ADAMTSL1: variants seen among roughly 807,000 people sequenced by gnomAD.
ADAMTSL1 encodes the protein ADAMTS-like protein 1.
A neutral mutation model predicts 201.8 loss-of-function variants in ADAMTSL1; 126 were observed. The ratio of observed to expected loss-of-function variants is 0.62; its 90% CI spans 0.54 to 0.72. The LOEUF is 0.72. Ranked by LOEUF, ADAMTSL1 falls within the 30% of genes least tolerant of loss-of-function variation. The pLI, the probability that ADAMTSL1 is intolerant of heterozygous loss-of-function variation, is 0.00. For synonymous variants in ADAMTSL1, 1,121 were observed against 903.4 expected, an observed-to-expected ratio of 1.24 and a Z score of -4.32; for missense variants, 2,679 against 2,277.8, an observed-to-expected ratio of 1.18 and a Z score of -3.59.
intron 1 of ADAMTSL1, among the ~76,000 whole-genome samples, chr9:17,937,221 G>A (rs190609333): frequency 6.6e-6 from 1 of 152,258 alleles, no homozygotes; most frequent in East Asian, 1.9e-4. Context: ...AATCGGAACA[G>A]CACATTGCGG....
At chr9:18,135,172 C>T (rs1486045408) in intron 1 of ADAMTSL1, among the ~76,000 whole-genome samples, 5 of 152,148 alleles carry the variant, frequency 3.3e-5, no homozygotes, top group Admixed American at 3.3e-4. Context: ...TGTATAACTC[C>T]ATATGTGGAA....
chr9:18,241,329 G>C (rs1427447506), intron 2 of ADAMTSL1, among the ~76,000 whole-genome samples: 3 of 151,986 alleles, frequency 2.0e-5, no homozygotes, highest in African/African-American at 7.2e-5. Context: ...CCCTTTCTTT[G>C]CTGTTGCCTC....
intron 6 of ADAMTSL1, 34 bp from the exon 7 acceptor site, chr9:18,639,220 T>A: frequency 1.2e-6 from 2 of 1,610,188 alleles, no homozygotes; most frequent in African/African-American, 2.7e-5. Context: ...CCTAGGAACA[T>A]CTTTCTCTCA....
At position 18,419,793 on chromosome 9, in the gene ADAMTSL1, G is replaced by A. The variant is rs192435899; in HGVS notation, c.208-85036G>A. Among the ~76,000 whole-genome samples, 319 of 148,434 alleles carry A rather than the reference G, an allele frequency of 2.1e-3. 3 individuals are homozygous for A. Among genetic ancestry groups the A allele is most frequent in the African/African-American group, 7.8e-3 (311 of 39,942 alleles). On this transcript the variant is annotated intron_variant, in intron 2 of 29. Coordinates refer to the ADAMTSL1 transcript ENST00000680146. ...TGTCGCTCAGGCTGGAGTGCAGTGC[G>A]ATCTTAGTTCACTGCAACCTCCGCC... is the stretch of plus-strand genomic sequence containing the variant.
intron 3 of ADAMTSL1, among the ~76,000 whole-genome samples, chr9:18,543,200 G>C (rs924603833): frequency 1.3e-5 from 2 of 152,202 alleles, no homozygotes; most frequent in African/African-American, 2.4e-5. Flanking sequence ...ATGAATGTAG[G>C]ATGGTGACTA....
chr9:18,081,270 C>T (rs1823489034), intron 1 of ADAMTSL1, among the ~76,000 whole-genome samples: 1 of 151,926 alleles, frequency 6.6e-6, no homozygotes, highest in African/African-American at 2.4e-5. Flanking sequence ...AGTGTGTATG[C>T]TATGTATCCC....
At chr9:18,643,824 C>CT (rs1382980687) in intron 7 of ADAMTSL1, among the ~76,000 whole-genome samples, 1 of 151,404 alleles carries the variant, frequency 6.6e-6, no homozygotes, top group African/African-American at 2.4e-5. Flanking sequence ...ATGCCTTTAT[C>CT]TTTTTTCTTT....
chr9:18,143,085 A>G (rs550686612), intron 1 of ADAMTSL1, among the ~76,000 whole-genome samples: 7 of 152,308 alleles, frequency 4.6e-5, no homozygotes, highest in Admixed American at 2.0e-4. Context: ...GGCAGCATTG[A>G]GCCTGGACAA....
At position 18,771,705 on chromosome 9, in the gene ADAMTSL1, C is replaced by CTTTTT. The variant is rs374268861; in HGVS notation, c.2397+948_2397+952dup. Among the ~76,000 whole-genome samples the CTTTTT allele has an allele frequency of 3.5e-4, 32 of 91,758 alleles. 2 individuals carry two copies. Among genetic ancestry groups the CTTTTT allele is most frequent in the South Asian group, 2.1e-3 (4 of 1,862 alleles). The allele number at this position is 91,758 out of a possible 152,430, so 60.2% of individuals were successfully genotyped here. The stretch of plus-strand genomic sequence containing the variant: ...GAATTTGCCTTCCTAACCCCAGTGC[C>CTTTTT]TTTTTTTTTTTTTTTTTTTTTTTTT... On this transcript the variant is annotated intron_variant, in intron 17 of 28. Transcript: ENST00000380548.
intron 1 of ADAMTSL1, among the ~76,000 whole-genome samples, chr9:18,103,808 C>G (rs1238379957): frequency 1.3e-5 from 2 of 152,024 alleles, no homozygotes; most frequent in Non-Finnish European, 2.9e-5. Flanking sequence ...ATCTTCTAGG[C>G]CTTTGTTTCT....
chr9:18,188,525 T>A (rs1463032880), intron 2 of ADAMTSL1, among the ~76,000 whole-genome samples: 3 of 152,096 alleles, frequency 2.0e-5, no homozygotes, highest in East Asian at 1.9e-4. Flanking sequence ...TGAGAAAGGA[T>A]GCAAATAGGT....
At chr9:18,622,539 G>C in intron 5 of ADAMTSL1, 170 bp downstream of exon 5, 1 of 1,004,482 alleles carries the variant, frequency 1.0e-6, no homozygotes, top group South Asian at 1.7e-5. Context: ...GGTGGGACAA[G>C]TCAGGTTACC....
chr9:18,191,153 C>T (rs145839223), intron 2 of ADAMTSL1, among the ~76,000 whole-genome samples: 1 of 152,260 alleles, frequency 6.6e-6, no homozygotes, highest in African/African-American at 2.4e-5. Flanking sequence ...ATGAGCAGGC[C>T]TAGATAGTTT....
At chr9:18,212,580 C>T (rs563862370) in intron 2 of ADAMTSL1, among the ~76,000 whole-genome samples, 1 of 152,220 alleles carries the variant, frequency 6.6e-6, no homozygotes, top group Non-Finnish European at 1.5e-5. Context: ...GTTGTAATCA[C>T]CAGTAAAATC....
intron 3 of ADAMTSL1, among the ~76,000 whole-genome samples, chr9:18,568,616 G>A (rs963374737): frequency 2.6e-5 from 4 of 152,094 alleles, no homozygotes; most frequent in South Asian, 2.1e-4. Flanking sequence ...TTCTAATTGC[G>A]TTTTCTTGCA....
chr9:18,290,691 A>C (rs1563862706), intron 2 of ADAMTSL1, among the ~76,000 whole-genome samples: 1 of 152,114 alleles, frequency 6.6e-6, no homozygotes, highest in African/African-American at 2.4e-5. Flanking sequence ...AACCAATGAA[A>C]GAAGGAATCA....
intron 2 of ADAMTSL1, among the ~76,000 whole-genome samples, chr9:18,355,099 T>A (rs984257454): frequency 6.6e-6 from 1 of 151,100 alleles, no homozygotes; most frequent in Non-Finnish European, 1.5e-5. Context: ...AAATCCCTAG[T>A]TTAGAATCTA....
intron 1 of ADAMTSL1, among the ~76,000 whole-genome samples, chr9:18,492,758 G>A (rs1312652120): frequency 1.3e-5 from 2 of 152,158 alleles, no homozygotes; most frequent in African/African-American, 2.4e-5. Flanking sequence ...GTAGCTAGAG[G>A]TGTCTCAGAA....
At chr9:18,572,202 A>T (rs1356771490) in intron 3 of ADAMTSL1, among the ~76,000 whole-genome samples, 1 of 152,148 alleles carries the variant, frequency 6.6e-6, no homozygotes. Flanking sequence ...GTCAAAAAAA[A>T]AAAAAATAAA....
Sources: allele counts gnomAD v4.1 joint callset (sites outside exome capture counted in the v4.1 genomes callset), GRCh38; gene constraint gnomAD v4.1.1; transcripts MANE v1.5; gene names NCBI Gene and HGNC (gene_info 2026-07-23, HGNC 2026-07-21).